PTPN3: variants seen among roughly 807,000 people sequenced by gnomAD.
The protein encoded by PTPN3 is tyrosine-protein phosphatase non-receptor type 3.
Under a neutral mutation model 132.7 loss-of-function variants are expected in PTPN3, and 96 were observed. That is an observed-to-expected ratio of 0.72 (90% CI 0.61 to 0.86). The LOEUF (loss-of-function observed/expected upper bound fraction) is 0.86. Among genes scored for constraint, PTPN3 ranks in the 40% least tolerant of loss-of-function variants. The pLI, the probability that PTPN3 is intolerant of heterozygous loss-of-function variation, is 0.00. For synonymous variants in PTPN3, 398 were observed against 429.0 expected (o/e 0.93, Z 0.89); for missense variants, 1,125 against 1,159.6 (o/e 0.97, Z 0.43).
chr9:109,501,833 A>G (rs1847867766), upstream of PTPN3, among the ~76,000 whole-genome samples: 1 of 152,204 alleles, frequency 6.6e-6, no homozygotes, highest in Non-Finnish European at 1.5e-5. Context: ...CACCTGGTCC[A>G]TGGACTCCTC....
chr9:109,485,425 G>A (rs1004788879), intron 1 of PTPN3, among the ~76,000 whole-genome samples: 3 of 152,080 alleles, frequency 2.0e-5, no homozygotes, highest in African/African-American at 4.8e-5. Flanking sequence ...GGAGAACGGC[G>A]TGAACCTGGG....
intron 1 of PTPN3, among the ~76,000 whole-genome samples, chr9:109,474,802 C>T (rs1846567197): frequency 6.6e-6 from 1 of 152,116 alleles, no homozygotes; most frequent in African/African-American, 2.4e-5. Flanking sequence ...GGGAAAGTTA[C>T]CAGCATCAGA....
At chr9:109,489,444 C>T (rs1847357000) in intron 1 of PTPN3, among the ~76,000 whole-genome samples, 1 of 152,182 alleles carries the variant, frequency 6.6e-6, no homozygotes, top group South Asian at 2.1e-4. Context: ...TCCATGCTGG[C>T]TCACCCTGCA....
In PTPN3 at chr9:109,383,416, G is replaced by A. The variant is rs754617584; in HGVS notation, c.2382+7C>T. On this transcript the variant is annotated splice_region_variant and intron_variant, in intron 23 of 25. Coordinates refer to ENST00000374541, the MANE Select transcript of PTPN3 (RefSeq NM_002829.4). Reference sequence around the variant, plus strand: ...CCCTCCACCGTGCCCCTCAGGCTGCGGCTCACCTGGGTGTTTGTGACCAGC... The same window carrying A: ...CCCTCCACCGTGCCCCTCAGGCTGCAGCTCACCTGGGTGTTTGTGACCAGC... 1.7e-5 allele frequency: 27 copies of A among 1,613,680 alleles called. 1 individual carries two copies. Among genetic ancestry groups the A allele is most frequent in the Middle Eastern group, 1.6e-4 (1 of 6,084 alleles).
intron 14 of PTPN3, among the ~76,000 whole-genome samples, chr9:109,414,431 C>T (rs1210229067): frequency 1.3e-5 from 2 of 152,228 alleles, no homozygotes; most frequent in Non-Finnish European, 2.9e-5. Context: ...CATACCAGTT[C>T]ACCCAGAGGG....
intron 8 of PTPN3, 96 bp from the exon 9 acceptor site, chr9:109,437,066 A>G: frequency 6.5e-7 from 1 of 1,539,630 alleles, no homozygotes; most frequent in Non-Finnish European, 8.8e-7. Flanking sequence ...CCATTTCTGT[A>G]AGGTTATTAA....
intron 14 of PTPN3, among the ~76,000 whole-genome samples, chr9:109,415,632 A>G (rs1207498873): frequency 6.6e-6 from 1 of 152,172 alleles, no homozygotes; most frequent in Non-Finnish European, 1.5e-5. Flanking sequence ...TAGACTGTGC[A>G]AGAGACGATG....
chr9:109,427,370 C>T (rs1351029034), intron 11 of PTPN3, among the ~76,000 whole-genome samples: 1 of 152,202 alleles, frequency 6.6e-6, no homozygotes, highest in Non-Finnish European at 1.5e-5. Context: ...TTCATGAATG[C>T]TTTTATTTCA....
the PTPN3 span, among the ~76,000 whole-genome samples, chr9:109,511,014 A>T: frequency 6.6e-6 from 1 of 152,234 alleles, no homozygotes; most frequent in African/African-American, 2.4e-5. Context: ...ATCAATATCA[A>T]ACACAAAACT....
chr9:109,485,245 C>A (rs565044570), intron 1 of PTPN3, among the ~76,000 whole-genome samples: 137 of 152,154 alleles, frequency 9.0e-4, no homozygotes, highest in African/African-American at 3.0e-3. Context: ...CGGTGGCTCA[C>A]GCCTGTAATC....
At chr9:109,472,858 T>TA (rs1846449091) in intron 1 of PTPN3, among the ~76,000 whole-genome samples, 2 of 152,258 alleles carry the variant, frequency 1.3e-5, no homozygotes, top group Non-Finnish European at 2.9e-5. Context: ...AACGTCCTTA[T>TA]TCAGGGAGGA....
chr9:109,495,146 G>A (rs1847620825), intron 1 of PTPN3, among the ~76,000 whole-genome samples: 1 of 152,160 alleles, frequency 6.6e-6, no homozygotes, highest in Admixed American at 6.5e-5. Flanking sequence ...TATTAGAGTT[G>A]GAATGAAGAG....
At chr9:109,397,581 C>G (rs953474618) in intron 19 of PTPN3, 2 of 152,182 alleles carry the variant, frequency 1.3e-5, no homozygotes, top group Non-Finnish European at 2.9e-5. Flanking sequence ...TGTATCTGAC[C>G]CAGCCAGAGG....
At chr9:109,516,258 T>A in the PTPN3 span, among the ~76,000 whole-genome samples, 1 of 152,172 alleles carries the variant, frequency 6.6e-6, no homozygotes, top group Admixed American at 6.5e-5. Context: ...ACATGGCTGA[T>A]CCATTCCTTA....
At chr9:109,533,126 A>ATTTTTTT in the PTPN3 span, among the ~76,000 whole-genome samples, 588 of 36,550 alleles carry the variant, frequency 0.016, 105 homozygotes, top group East Asian at 0.051. Context: ...TACCTGGCTA[A>ATTTTTTT]TTTTTTTTTT....
intron 1 of PTPN3, among the ~76,000 whole-genome samples, chr9:109,467,020 A>AG (rs960998485): frequency 4.6e-5 from 7 of 151,134 alleles, no homozygotes; most frequent in African/African-American, 1.7e-4. Context: ...AATACTAATA[A>AG]AAAAAAAACT....
At chr9:109,445,175 T>G (rs1013988881) in intron 7 of PTPN3, 65 bp downstream of exon 7, 1 of 1,515,368 alleles carries the variant, frequency 6.6e-7, no homozygotes, top group Non-Finnish European at 9.2e-7. Context: ...GAGGAACCAG[T>G]GACTTTCTCC....
intron 16 of PTPN3, among the ~76,000 whole-genome samples, chr9:109,409,283 C>T (rs1436005162): frequency 6.6e-6 from 1 of 152,102 alleles, no homozygotes; most frequent in African/African-American, 2.4e-5. Flanking sequence ...AATTGTTTTT[C>T]TCTTATCAGC....
chr9:109,453,184 C>T (rs1011415337), intron 5 of PTPN3, among the ~76,000 whole-genome samples: 2 of 152,168 alleles, frequency 1.3e-5, no homozygotes, highest in Non-Finnish European at 1.5e-5. Flanking sequence ...AGGCAAAATA[C>T]AGTAACAGAT....
Sources: gnomAD v4.1 joint callset for allele counts (sites outside exome capture counted in the v4.1 genomes callset) on GRCh38, gnomAD v4.1.1 for gene constraint, MANE v1.5 for transcripts, NCBI Gene and HGNC (gene_info 2026-07-23, HGNC 2026-07-21) for gene names.